Variants in ZFYVE26 observed in about 807,000 individuals in gnomAD.
The protein encoded by ZFYVE26 is zinc finger FYVE domain-containing protein 26.
In ZFYVE26, 181 loss-of-function variants were observed where a neutral mutation model predicts 276.5. The observed-to-expected ratio is 0.65, with a 90% CI of 0.58 to 0.74. ZFYVE26 has a LOEUF of 0.74. Among genes scored for constraint, ZFYVE26 ranks in the 30% least tolerant of loss-of-function variants. The probability of loss-of-function intolerance (pLI) is 0.00; values close to 1 mark genes in which losing one functional copy is unlikely to be tolerated. For synonymous variants in ZFYVE26, 1,129 were observed against 1,203.1 expected (o/e 0.94, Z 1.27); for missense variants, 2,821 against 3,097.9 (o/e 0.91, Z 2.12).
Position 67,772,042 on chromosome 14 carries a change from C to T in ZFYVE26, c.5484+5G>A. 1.2e-6 allele frequency: 2 copies of T among 1,610,510 alleles called. No homozygotes were observed. Among genetic ancestry groups the T allele is most frequent in the Non-Finnish European group, 1.7e-6 (2 of 1,179,182 alleles). On this transcript the variant is annotated splice_donor_5th_base_variant and intron_variant, in intron 28 of 41. Transcript: ENST00000347230. ...AGGGTGACAGTGGAGACCGATGCTGCTTACCATGGTGAAGTGCTCCCTGCA... is the reference window on the plus strand; with the variant it reads ...AGGGTGACAGTGGAGACCGATGCTGTTTACCATGGTGAAGTGCTCCCTGCA...
intron 18 of ZFYVE26, 26 bp downstream of exon 18, chr14:67,785,832 T>C (rs760647176): frequency 4.6e-5 from 74 of 1,613,780 alleles, no homozygotes; most frequent in Non-Finnish European, 6.0e-5. Context: ...CAGCTTTTAT[T>C]TGTTCCCAAG....
At chr14:67,765,522 C>T (rs1055214824) in intron 32 of ZFYVE26, among the ~76,000 whole-genome samples, 2 of 152,118 alleles carry the variant, frequency 1.3e-5, no homozygotes, top group Non-Finnish European at 2.9e-5. Flanking sequence ...GCAATGATAC[C>T]GCAGAGAAAA....
intron 41 of ZFYVE26, among the ~76,000 whole-genome samples, chr14:67,749,932 C>T (rs77987236): frequency 2.0e-5 from 3 of 152,272 alleles, no homozygotes; most frequent in Non-Finnish European, 4.4e-5. Context: ...TTTGGCAAGC[C>T]CCCATGGCCT....
intron 31 of ZFYVE26, among the ~76,000 whole-genome samples, chr14:67,766,734 C>G (rs980359062): frequency 6.6e-6 from 1 of 152,196 alleles, no homozygotes; most frequent in African/African-American, 2.4e-5. Flanking sequence ...GGGTCTCACT[C>G]TGTTGCCCAG....
intron 13 of ZFYVE26, among the ~76,000 whole-genome samples, chr14:67,731,187 C>G (rs1322178517): frequency 1.4e-5 from 2 of 141,370 alleles, no homozygotes; most frequent in African/African-American, 5.3e-5. Flanking sequence ...AATTGTGTTT[C>G]TCATCATATT....
intron 10 of ZFYVE26, among the ~76,000 whole-genome samples, chr14:67,801,830 T>G (rs571750461): frequency 1.3e-5 from 2 of 152,322 alleles, no homozygotes; most frequent in East Asian, 3.9e-4. Context: ...CCGTGAAATA[T>G]AGTTTTTAAA....
chr14:67,759,731 A>G (rs1594889951), intron 35 of ZFYVE26, among the ~76,000 whole-genome samples: 1 of 152,274 alleles, frequency 6.6e-6, no homozygotes, highest in Non-Finnish European at 1.5e-5. Context: ...TTAGAGAAAT[A>G]AGGAGGCCTG....
At chr14:67,736,658 A>C (rs1166949859) in intron 13 of ZFYVE26, among the ~76,000 whole-genome samples, 2 of 152,250 alleles carry the variant, frequency 1.3e-5, no homozygotes, top group Admixed American at 6.5e-5. Context: ...TACCTCAAAC[A>C]AAGTTCAAAG....
rs541910986 is a variant in ZFYVE26 at position 67,800,485 on chromosome 14, T to TA, written c.1639+1593dup. On this transcript the variant is annotated intron_variant, in intron 10 of 41. Coordinates refer to ENST00000347230, the MANE Select transcript of ZFYVE26 (RefSeq NM_015346.4). ...TATTAAATATGTCCAGTTTTTTGGT[T>TA]AAAAAAAAAATTGCACTGGCTTTGA... Among the ~76,000 whole-genome samples, 39 of 150,074 alleles carry TA rather than the reference T, an allele frequency of 2.6e-4. 1 individual carries two copies. The highest frequency in any genetic ancestry group is 3.7e-4 in the Non-Finnish European group (25 of 67,306).
chr14:67,815,428 C>T, intron 2 of ZFYVE26: 2 of 316,136 alleles, frequency 6.3e-6, no homozygotes, highest in Non-Finnish European at 1.2e-5. Flanking sequence ...TATTTTCAAT[C>T]TCATAAGCAA....
At position 67,790,862 on chromosome 14, in the gene ZFYVE26, T is replaced by C. The variant is rs2039796452; in HGVS notation, c.2554-89A>G. On this transcript the variant is annotated intron_variant, in intron 14 of 41. Transcript: ENST00000347230. ...TAGGAGATCTTGCCAACCATTAGAC[T>C]GTGGCCCTAAGATGTCTTTGTGCTT... 4 of 1,238,766 alleles carry C rather than the reference T, an allele frequency of 3.2e-6. No individual in the cohort carries two copies. In the Admixed American group the frequency reaches 6.8e-5, roughly 21 times the overall value. 76.7% of individuals were successfully genotyped at this position (1,238,766 alleles called of 1,614,324 possible). A position where few individuals can be genotyped will look rare whatever the true frequency, so the allele number is the denominator to read the frequency against.
chr14:67,729,781 G>A (rs1380985754), exon 14 of ZFYVE26: 2 of 501,318 alleles, frequency 4.0e-6, no homozygotes, highest in Non-Finnish European at 7.9e-6. Context: ...TCTCTTCGGT[G>A]TGAACTCTGT....
chr14:67,803,087 G>A (rs1017060845), intron 9 of ZFYVE26, among the ~76,000 whole-genome samples: 1 of 152,164 alleles, frequency 6.6e-6, no homozygotes, highest in African/African-American at 2.4e-5. Flanking sequence ...GGGGTATAGT[G>A]ATAAGTGCCT....
At chr14:67,782,551 T>C (rs750661039) in intron 21 of ZFYVE26, among the ~76,000 whole-genome samples, 1 of 152,168 alleles carries the variant, frequency 6.6e-6, no homozygotes, top group Non-Finnish European at 1.5e-5. Flanking sequence ...AGAATACTGG[T>C]TATGCGTGGC....
intron 27 of ZFYVE26, 53 bp downstream of exon 27, chr14:67,774,963 T>A (rs2039302045): frequency 8.8e-6 from 11 of 1,255,886 alleles, no homozygotes; most frequent in Admixed American, 7.9e-5. Context: ...AAGGATAGAA[T>A]AAGGCAAGAC....
intron 13 of ZFYVE26, among the ~76,000 whole-genome samples, chr14:67,740,115 A>C (rs1380614197): frequency 6.6e-6 from 1 of 152,202 alleles, no homozygotes; most frequent in Non-Finnish European, 1.5e-5. Context: ...GCATCCAACT[A>C]TATCCAGCTA....
chr14:67,807,939 A>C lies in ZFYVE26; in HGVS notation c.364-19T>G. 2 of 1,614,100 alleles carry C rather than the reference A, an allele frequency of 1.2e-6. No individual in the cohort carries two copies. The highest frequency in any genetic ancestry group is 1.7e-6 in the Non-Finnish European group (2 of 1,179,990). On this transcript the variant is annotated intron_variant, in intron 4 of 41. Transcript: ENST00000347230. ...ACAGCTCCTAAATAGAGGATGAAGA[A>C]AAGGATGGGTGGTGGGCATGCCTGG...
intron 25 of ZFYVE26, 26 bp from the exon 26 acceptor site, chr14:67,776,132 T>C (rs2039337752): frequency 1.2e-6 from 2 of 1,613,320 alleles, no homozygotes; most frequent in African/African-American, 2.7e-5. Flanking sequence ...ATCCATAGAG[T>C]AAAGAAAATA....
intron 10 of ZFYVE26, among the ~76,000 whole-genome samples, chr14:67,800,728 T>C (rs535207045): frequency 7.2e-5 from 11 of 152,282 alleles, no homozygotes; most frequent in African/African-American, 2.2e-4. Context: ...CTTTGATTTG[T>C]AGACTATTAA....
Sources: allele counts gnomAD v4.1 joint callset (sites outside exome capture counted in the v4.1 genomes callset), GRCh38; gene constraint gnomAD v4.1.1; transcripts MANE v1.5; gene names NCBI Gene and HGNC (gene_info 2026-07-23, HGNC 2026-07-21).